TTC32: variants seen among roughly 807,000 people sequenced by gnomAD.
TTC32 encodes tetratricopeptide repeat domain 32.
Under a neutral mutation model 15.3 loss-of-function variants are expected in TTC32, and 16 were observed. The observed-to-expected ratio is 1.05, with a 90% CI of 0.71 to 1.59. The LOEUF is 1.59. Among genes scored for constraint, TTC32 ranks in the 40% most tolerant of loss-of-function variants. The pLI, the probability that TTC32 is intolerant of heterozygous loss-of-function variation, is 0.00. For synonymous variants in TTC32, 89 were observed against 67.8 expected, an observed-to-expected ratio of 1.31 and a Z score of -1.53; for missense variants, 188 against 181.9, an observed-to-expected ratio of 1.03 and a Z score of -0.19.
At chr2:19,900,876 T>C (rs909639870) in intron 1 of TTC32, among the ~76,000 whole-genome samples, 1 of 152,112 alleles carries the variant, frequency 6.6e-6, no homozygotes, top group Non-Finnish European at 1.5e-5. Context: ...ACAGAAGAGA[T>C]TCAGTCAGCA....
Position 19,897,112 on chromosome 2 carries a change from C to T in TTC32, c.331G>A (p.Ala111Thr), listed in dbSNP as rs1466306632. ...ILYRLGYFDD[A>T]LEDFKKVLDL... is the part of the protein sequence containing the mutation. ...AAGACCTTCTTGAAATCTTCCAAAG[C>T]ATCATCAAAATATCCTGTACCAGAA... Residue 111 changes from alanine (A) to threonine (T), a missense_variant, in exon 3 of 3, where the codon GCT becomes ACT. Coordinates refer to ENST00000333610, the MANE Select transcript of TTC32 (RefSeq NM_001008237.3). 1 of 1,598,144 alleles carries T rather than the reference C, an allele frequency of 6.3e-7. No homozygotes were observed. Among genetic ancestry groups the T allele is most frequent in the African/African-American group, 1.4e-5 (1 of 73,916 alleles).
rs1669517229 is a variant in TTC32, at chr2:19,896,775, T to C, written c.*212A>G. Reference sequence around the variant, plus strand: ...TTCCTTTTTACTATAATATTTAATATAATAATATACACTTATACATTGGTA... The same window carrying C: ...TTCCTTTTTACTATAATATTTAATACAATAATATACACTTATACATTGGTA... On this transcript the variant is annotated 3_prime_UTR_variant, in exon 3 of 3. Transcript: ENST00000333610. 1.0e-5 allele frequency: 2 copies of C among 196,130 alleles called. No homozygotes were observed. Among genetic ancestry groups the C allele is most frequent in the Admixed American group, 1.2e-4 (2 of 16,572 alleles). 12.1% of individuals were successfully genotyped at this position (196,130 alleles called of 1,614,324 possible). A position where few individuals can be genotyped will look rare whatever the true frequency, so the allele number is the denominator to read the frequency against.
At chr2:19,901,679 C>G (rs1344275812) in intron 1 of TTC32, 27 bp downstream of exon 1, 1 of 1,601,216 alleles carries the variant, frequency 6.2e-7, no homozygotes, top group South Asian at 1.1e-5. Context: ...CCGGGGTCGC[C>G]GCGGCCCCAG....
In TTC32 at chr2:19,901,816, T is replaced by C. The variant is rs1669613152; in HGVS notation, c.39A>G (p.Thr13=). 6.2e-7 allele frequency: 1 copy of C among 1,613,950 alleles called. No homozygotes were observed. Among genetic ancestry groups the C allele is most frequent in the Non-Finnish European group, 8.5e-7 (1 of 1,179,972 alleles). Residue 13 remains threonine (T), a synonymous_variant, in exon 1 of 3, where the codon ACA becomes ACG. Transcript: ENST00000333610. The stretch of plus-strand genomic sequence containing the variant: ...CATTGTTGAAATGAGCCTGGGCGAG[T>C]GTTAGGGTTGCGTGGCTTTCTTGCC... ...GQRQESHATL[T]LAQAHFNNGE...
chr2:19,897,883 A>G lies in TTC32; in HGVS notation c.302T>C (p.Ile101Thr), dbSNP rs752557070. The G allele has an allele frequency of 1.3e-5, 21 of 1,608,574 alleles. No homozygotes were observed. Among genetic ancestry groups the G allele is most frequent in the Non-Finnish European group, 1.7e-5 (20 of 1,176,360 alleles). ...AAAATTCTTACCCAGCCTATACAGT[A>G]TCAACCCTCTGTTGTAATATGGAAC... ...FEVPYYNRGL[I>T]LYRLGYFDDA... The change falls in exon 2 of 3, where the codon ATA (isoleucine) becomes ACA (threonine). Residue 101 changes from isoleucine (I) to threonine (T), a missense_variant. Ile to Thr is a moderately conservative substitution (Grantham distance 89). Coordinates refer to ENST00000333610, the MANE Select transcript of TTC32 (RefSeq NM_001008237.3).
At chr2:19,901,638 G>T (rs540643676) in intron 1 of TTC32, 68 bp downstream of exon 1, 2 of 1,558,448 alleles carry the variant, frequency 1.3e-6, no homozygotes, top group Non-Finnish European at 8.7e-7. Context: ...GGCAAAGATA[G>T]GAGCCCAAAC....
In TTC32 at chr2:19,901,690, G is replaced by A; in HGVS notation, c.149+16C>T. On this transcript the variant is annotated intron_variant, in intron 1 of 2. Transcript: ENST00000333610. ...CCACCCGGGGTCGCCGCGGCCCCAGGTCTCGCGATAGTTACCTCCCGGGAC... is the reference window on the plus strand; with the variant it reads ...CCACCCGGGGTCGCCGCGGCCCCAGATCTCGCGATAGTTACCTCCCGGGAC... The A allele has an allele frequency of 3.7e-6, 6 of 1,605,274 alleles. No homozygotes were observed. The highest frequency in any genetic ancestry group is 5.1e-6 in the Non-Finnish European group (6 of 1,173,766).
chr2:19,897,720 C>T, intron 2 of TTC32, 149 bp downstream of exon 2: 1 of 640,502 alleles, frequency 1.6e-6, no homozygotes, highest in Non-Finnish European at 2.5e-6. Flanking sequence ...CTAAAATAAA[C>T]TCAGGGACAC....
Position 19,901,866 on chromosome 2 carries a change from C to G in TTC32, c.-12G>C. 1 of 1,613,884 alleles carries G rather than the reference C, an allele frequency of 6.2e-7. No individual in the cohort carries two copies. Among genetic ancestry groups the G allele is most frequent in the Middle Eastern group, 1.7e-4 (1 of 6,060 alleles). ...CGCTGTCCTTCCATAGCAGCCAAGG[C>G]CTAGTTTTCGGTGTAGAATGGGGGT... On this transcript the variant is annotated 5_prime_UTR_variant, in exon 1 of 3. Coordinates refer to ENST00000333610, the MANE Select transcript of TTC32 (RefSeq NM_001008237.3).
Position 19,896,967 on chromosome 2 carries a change from C to A in TTC32, c.*20G>T. On this transcript the variant is annotated 3_prime_UTR_variant, in exon 3 of 3. Coordinates refer to ENST00000333610, the MANE Select transcript of TTC32 (RefSeq NM_001008237.3). The stretch of plus-strand genomic sequence containing the variant: ...CAGATGTAAGGATCATGAATCAATA[C>A]TTCCATTAAGTTAAAAATATCAATA... 6.5e-7 allele frequency: 1 copy of A among 1,548,572 alleles called. No individual in the cohort carries two copies. The highest frequency in any genetic ancestry group is 8.8e-7 in the Non-Finnish European group (1 of 1,138,026).
chr2:19,901,120 A>T (rs1378649023), intron 1 of TTC32: 1 of 470,396 alleles, frequency 2.1e-6, no homozygotes, highest in Admixed American at 2.4e-5. Flanking sequence ...TGAAACATCC[A>T]TGGATGAATA....
intron 1 of TTC32, among the ~76,000 whole-genome samples, chr2:19,900,832 C>T (rs1278198450): frequency 6.6e-6 from 1 of 152,134 alleles, no homozygotes; most frequent in African/African-American, 2.4e-5. Flanking sequence ...ACCACCAATT[C>T]ACAGCAATAT....
intron 2 of TTC32, 73 bp downstream of exon 2, chr2:19,897,796 T>C: frequency 8.0e-7 from 1 of 1,252,588 alleles, no homozygotes; most frequent in South Asian, 1.9e-5. Context: ...CACGTTAGTT[T>C]TACAACATTT....
chr2:19,901,480 G>A, intron 1 of TTC32: 1 of 559,048 alleles, frequency 1.8e-6, no homozygotes, highest in Non-Finnish European at 3.0e-6. Context: ...CCGCACCGTC[G>A]CGGCAGCTGG....
Position 19,897,864 on chromosome 2 carries a change from C to A in TTC32, c.316+5G>T. On this transcript the variant is annotated splice_donor_5th_base_variant and intron_variant, in intron 2 of 2. Coordinates refer to ENST00000333610, the MANE Select transcript of TTC32 (RefSeq NM_001008237.3). ...ACAAAACTCAAAAAGAAAAAAAATT[C>A]TTACCCAGCCTATACAGTATCAACC... 6.7e-7 allele frequency: 1 copy of A among 1,496,186 alleles called. No homozygotes were observed. The highest frequency in any genetic ancestry group is 1.4e-5 in the South Asian group (1 of 73,972). The allele number at this position is 1,496,186 out of a possible 1,614,324, so 92.7% of individuals were successfully genotyped here. A position where few individuals can be genotyped will look rare whatever the true frequency, so the allele number is the denominator to read the frequency against.
intron 1 of TTC32, among the ~76,000 whole-genome samples, chr2:19,899,966 T>G (rs1229576713): frequency 6.6e-6 from 1 of 152,190 alleles, no homozygotes; most frequent in Non-Finnish European, 1.5e-5. Flanking sequence ...TTCCTAGAAT[T>G]TTATCAAAAG....
rs1669518323 is a variant in TTC32 at position 19,896,836 on chromosome 2, T to C, written c.*151A>G. Reference sequence around the variant, plus strand: ...TTCATTAAAAAAAACCCATTCAACCTGAAATTAACTACCTTAAACACACTA... The same window carrying C: ...TTCATTAAAAAAAACCCATTCAACCCGAAATTAACTACCTTAAACACACTA... On this transcript the variant is annotated 3_prime_UTR_variant, in exon 3 of 3. Transcript: ENST00000333610. 2 of 566,838 alleles carry C rather than the reference T, an allele frequency of 3.5e-6. No homozygotes were observed. Among genetic ancestry groups the C allele is most frequent in the Non-Finnish European group, 5.3e-6 (2 of 376,342 alleles). 35.1% of individuals were successfully genotyped at this position (566,838 alleles called of 1,614,324 possible). A position where few individuals can be genotyped will look rare whatever the true frequency, so the allele number is the denominator to read the frequency against.
At chr2:19,899,885 T>C (rs1320237258) in intron 1 of TTC32, among the ~76,000 whole-genome samples, 1 of 152,066 alleles carries the variant, frequency 6.6e-6, no homozygotes, top group South Asian at 2.1e-4. Flanking sequence ...ACTTAGAAAA[T>C]AAATGTAAGC....
At position 19,901,719 on chromosome 2, in the gene TTC32, C is replaced by T. The variant is rs1045200694; in HGVS notation, c.136G>A (p.Glu46Lys). 1.2e-6 allele frequency: 2 copies of T among 1,612,716 alleles called. No homozygotes were observed. The highest frequency in any genetic ancestry group is 1.3e-5 in the African/African-American group (1 of 75,058). ...RRCACAASSDESPGSKCSPED... is the reference protein window; with the variant it reads ...RRCACAASSDKSPGSKCSPED... Reference sequence around the variant, plus strand: ...CGCGATAGTTACCTCCCGGGACTCTCGTCGCTGGAGGCCGCGCAAGCGCAC... The same window carrying T: ...CGCGATAGTTACCTCCCGGGACTCTTGTCGCTGGAGGCCGCGCAAGCGCAC... Residue 46 changes from glutamate (E) to lysine (K), a missense_variant, in exon 1 of 3, where the codon GAG (glutamate) becomes AAG (lysine). By Grantham distance (56) the Glu-to-Lys change is moderately conservative. Coordinates refer to ENST00000333610, the MANE Select transcript of TTC32 (RefSeq NM_001008237.3).
Sources: allele counts gnomAD v4.1 joint callset (sites outside exome capture counted in the v4.1 genomes callset), GRCh38; gene constraint gnomAD v4.1.1; transcripts MANE v1.5; gene names NCBI Gene and HGNC (gene_info 2026-07-23, HGNC 2026-07-21).